The following SOX5 variants were observed in gnomAD, a reference collection of about 807,000 sequenced individuals.
The protein encoded by SOX5 is transcription factor SOX-5.
A neutral mutation model predicts 92.0 loss-of-function variants in SOX5; 9 were observed. The ratio of observed to expected loss-of-function variants is 0.10; its 90% CI spans 0.06 to 0.17. SOX5 has a LOEUF of 0.17. Among genes scored for constraint, SOX5 ranks in the 10% least tolerant of loss-of-function variants. The pLI is 1.00. For missense variants in SOX5, 642 were observed against 944.5 expected (o/e 0.68, Z 4.20); for synonymous variants, 344 against 336.3 (o/e 1.02, Z -0.25).
rs56243419 is a variant in SOX5 at position 24,339,163 on chromosome 12, CCACACA to C, written c.-174+29394_-174+29399del. On this transcript the variant is annotated intron_variant, in intron 2 of 4. Coordinates refer to the SOX5 transcript ENST00000446891. ...GTTTCTCTCTCTCTCTCTCTCTCTG[CCACACA>C]CACACACACACACACACACACACAC... Among the ~76,000 whole-genome samples the C allele has an allele frequency of 6.1e-3, 856 of 140,466 alleles. 7 individuals are homozygous for C. Among genetic ancestry groups the C allele is most frequent in the African/African-American group, 0.018 (679 of 37,378 alleles). 92.2% of individuals were successfully genotyped at this position (140,466 alleles called of 152,430 possible).
intron 4 of SOX5, among the ~76,000 whole-genome samples, chr12:24,161,894 T>A (rs951194870): frequency 6.6e-6 from 1 of 151,962 alleles, no homozygotes; most frequent in African/African-American, 2.4e-5. Context: ...ATTCAAGAAG[T>A]CTTCTCAAAA....
chr12:23,803,954 T>C (rs923647177), intron 3 of SOX5, among the ~76,000 whole-genome samples: 5 of 152,232 alleles, frequency 3.3e-5, no homozygotes, highest in Non-Finnish European at 5.9e-5. Context: ...GATGCAGATA[T>C]CTGTTCAGGT....
intron 4 of SOX5, among the ~76,000 whole-genome samples, chr12:24,161,991 C>T (rs917857124): frequency 4.6e-5 from 7 of 151,984 alleles, no homozygotes; most frequent in African/African-American, 1.4e-4. Flanking sequence ...TAATAGAAAT[C>T]ATTGGTAAGG....
At chr12:24,212,596 A>C in intron 4 of SOX5, 1 of 451,568 alleles carries the variant, frequency 2.2e-6, no homozygotes. Context: ...CATTGTTGAA[A>C]CAACCAAGAC....
At chr12:23,886,764 T>C (rs1396040406) in intron 2 of SOX5, among the ~76,000 whole-genome samples, 1 of 152,178 alleles carries the variant, frequency 6.6e-6, no homozygotes, top group East Asian at 1.9e-4. Context: ...AAAAAGATTT[T>C]AGTTAAATCA....
At chr12:23,755,979 C>T (rs1008664324) in intron 3 of SOX5, among the ~76,000 whole-genome samples, 4 of 151,756 alleles carry the variant, frequency 2.6e-5, no homozygotes, top group African/African-American at 7.3e-5. Flanking sequence ...ATAAACCTTG[C>T]GGTTCATTGT....
chr12:23,903,813 T>C (rs1481856713), intron 1 of SOX5, among the ~76,000 whole-genome samples: 1 of 152,182 alleles, frequency 6.6e-6, no homozygotes, highest in Non-Finnish European at 1.5e-5. Flanking sequence ...CTAATCAATA[T>C]TAGGAATTAA....
chr12:24,070,315 T>C (rs1437585813), intron 4 of SOX5, among the ~76,000 whole-genome samples: 1 of 151,758 alleles, frequency 6.6e-6, no homozygotes, highest in Admixed American at 6.6e-5. Flanking sequence ...CTCAGAAAAA[T>C]ACAGAAAGAA....
At chr12:23,810,984 G>T (rs2095866446) in intron 3 of SOX5, among the ~76,000 whole-genome samples, 1 of 152,038 alleles carries the variant, frequency 6.6e-6, no homozygotes, top group African/African-American at 2.4e-5. Flanking sequence ...GTTGCCAAAA[G>T]ACTTATTCAG....
At chr12:24,332,034 C>T (rs909945986) in intron 2 of SOX5, among the ~76,000 whole-genome samples, 3 of 151,744 alleles carry the variant, frequency 2.0e-5, no homozygotes, top group Non-Finnish European at 4.4e-5. Context: ...GTCTAAGAAC[C>T]TGTCAGTTCA....
intron 4 of SOX5, among the ~76,000 whole-genome samples, chr12:23,755,404 T>C (rs968554652): frequency 4.0e-5 from 6 of 151,798 alleles, no homozygotes; most frequent in African/African-American, 1.2e-4. Flanking sequence ...CTGTTAGAGG[T>C]ATAGTGGGGT....
At chr12:23,965,953 C>A (rs1388663697) in intron 4 of SOX5, among the ~76,000 whole-genome samples, 4 of 151,976 alleles carry the variant, frequency 2.6e-5, no homozygotes, top group African/African-American at 7.2e-5. Context: ...CTATGTAGTA[C>A]CTTGAGACTG....
intron 4 of SOX5, among the ~76,000 whole-genome samples, chr12:24,070,147 C>A (rs142377160): frequency 2.0e-5 from 3 of 152,174 alleles, no homozygotes; most frequent in Non-Finnish European, 2.9e-5. Context: ...ACTTCTCCTG[C>A]GACCAGCTGT....
intron 6 of SOX5, among the ~76,000 whole-genome samples, chr12:23,713,165 G>T (rs954410502): frequency 1.3e-5 from 2 of 152,180 alleles, no homozygotes; most frequent in African/African-American, 4.8e-5. Context: ...TAGGGACAGA[G>T]GCAGAGACTA....
intron 4 of SOX5, among the ~76,000 whole-genome samples, chr12:24,193,367 C>T (rs550201552): frequency 6.6e-6 from 1 of 152,342 alleles, no homozygotes; most frequent in African/African-American, 2.4e-5. Context: ...GCAGTAAGTC[C>T]TCCCTGCCAC....
chr12:23,889,397 AC>A (rs1487588708), intron 2 of SOX5, among the ~76,000 whole-genome samples: 1 of 152,216 alleles, frequency 6.6e-6, no homozygotes, highest in Admixed American at 6.5e-5. Flanking sequence ...AATTTTCTGA[AC>A]AGTATTACGC....
chr12:24,002,630 C>A (rs1163437754), intron 4 of SOX5, among the ~76,000 whole-genome samples: 1 of 138,196 alleles, frequency 7.2e-6, no homozygotes, highest in Non-Finnish European at 1.5e-5. Context: ...AACCTGCTGG[C>A]ATTTTTATAG....
At chr12:24,053,872 TAGC>T (rs1206217045) in intron 4 of SOX5, among the ~76,000 whole-genome samples, 7 of 152,198 alleles carry the variant, frequency 4.6e-5, no homozygotes, top group African/African-American at 9.7e-5. Flanking sequence ...CAACCTAACA[TAGC>T]AGGTATGATT....
intron 7 of SOX5, among the ~76,000 whole-genome samples, chr12:23,653,448 T>G (rs1379088213): frequency 1.3e-5 from 2 of 152,236 alleles, no homozygotes; most frequent in East Asian, 3.9e-4. Flanking sequence ...AGTAATTCCT[T>G]TTCCAAAGAC....
Sources: gnomAD v4.1 joint callset for allele counts (sites outside exome capture counted in the v4.1 genomes callset) on GRCh38, gnomAD v4.1.1 for gene constraint, MANE v1.5 for transcripts, NCBI Gene and HGNC (gene_info 2026-07-23, HGNC 2026-07-21) for gene names.